HMBOX1: variants seen among roughly 807,000 people sequenced by gnomAD.
HMBOX1 encodes homeobox containing 1, also known as homeobox-containing protein 1.
In HMBOX1, 14 loss-of-function variants were observed where a neutral mutation model predicts 54.5. The ratio of observed to expected loss-of-function variants is 0.26; its 90% CI spans 0.17 to 0.40. The LOEUF (loss-of-function observed/expected upper bound fraction) is 0.40. Ranked by LOEUF, HMBOX1 falls within the 10% of genes least tolerant of loss-of-function variation. HMBOX1 has a pLI of 1.00. For synonymous variants in HMBOX1, 160 were observed against 181.0 expected, an observed-to-expected ratio of 0.88 and a Z score of 0.93; for missense variants, 332 against 514.4, an observed-to-expected ratio of 0.65 and a Z score of 3.43.
At chr8:28,977,487 C>T (rs950740719) in intron 3 of HMBOX1, among the ~76,000 whole-genome samples, 1 of 152,118 alleles carries the variant, frequency 6.6e-6, no homozygotes, top group East Asian at 1.9e-4. Flanking sequence ...GAAGTTATCT[C>T]TTGTACACTG....
chr8:28,892,758 A>G (rs1585585984), intron 1 of HMBOX1, among the ~76,000 whole-genome samples: 1 of 152,298 alleles, frequency 6.6e-6, no homozygotes, highest in East Asian at 1.9e-4. Context: ...TGTGATTTCT[A>G]AATCTCAGAT....
At chr8:29,016,517 A>G (rs949446352) in intron 5 of HMBOX1, among the ~76,000 whole-genome samples, 1 of 152,268 alleles carries the variant, frequency 6.6e-6, no homozygotes, top group African/African-American at 2.4e-5. Context: ...ATTATCCACA[A>G]TTTAGCAGCT....
intron 1 of HMBOX1, among the ~76,000 whole-genome samples, chr8:28,952,805 T>C (rs1322247143): frequency 6.6e-6 from 1 of 152,234 alleles, no homozygotes; most frequent in East Asian, 1.9e-4. Flanking sequence ...ATAATTCTTT[T>C]GGAATAAAAA....
At chr8:28,994,940 T>C (rs951700369) in intron 4 of HMBOX1, among the ~76,000 whole-genome samples, 8 of 152,096 alleles carry the variant, frequency 5.3e-5, no homozygotes, top group African/African-American at 1.9e-4. Flanking sequence ...CAGCAAACTT[T>C]AGAAGATTGA....
chr8:29,034,639 G>A lies in HMBOX1; in HGVS notation c.852-10722G>A, dbSNP rs147939760. Among the ~76,000 whole-genome samples, 1,208 of 152,262 alleles carry A rather than the reference G, an allele frequency of 7.9e-3. 11 individuals carry two copies. The highest frequency in any genetic ancestry group is 0.012 in the Non-Finnish European group (846 of 68,004). On this transcript the variant is annotated intron_variant, in intron 6 of 9. Coordinates refer to ENST00000287701, the MANE Select transcript of HMBOX1 (RefSeq NM_001135726.3). ...GGGAGGCCAAGGCAGGTAGATGACC[G>A]GAGGTCAGGAGTTCAAGACCAGCCT...
At chr8:29,024,751 ATAAG>A (rs1351139412) in intron 6 of HMBOX1, among the ~76,000 whole-genome samples, 4 of 152,182 alleles carry the variant, frequency 2.6e-5, no homozygotes, top group Non-Finnish European at 5.9e-5. Context: ...CAGTTTATAT[ATAAG>A]AGCCTCAGAG....
intron 1 of HMBOX1, among the ~76,000 whole-genome samples, chr8:28,908,899 A>G (rs916979967): frequency 1.3e-5 from 2 of 152,020 alleles, no homozygotes; most frequent in African/African-American, 4.8e-5. Flanking sequence ...TTTGAGACCA[A>G]CCAGCCTGGG....
rs569535533 is a variant in HMBOX1, at chr8:28,978,744, G to A, written c.501-1327G>A. On this transcript the variant is annotated intron_variant, in intron 3 of 9. Coordinates refer to ENST00000287701, the MANE Select transcript of HMBOX1 (RefSeq NM_001135726.3). ...GGAGCTTGCAGTGAGCCGAGATTGC[G>A]CCACTGCACTCCAGCCCGAGCAACA... is the stretch of plus-strand genomic sequence containing the variant. 1.4e-3 allele frequency among the ~76,000 whole-genome samples: 183 copies of A among 126,796 alleles called. 2 individuals are homozygous for A. Among genetic ancestry groups the A allele is most frequent in the African/African-American group, 5.1e-3 (167 of 32,748 alleles). 83.2% of individuals were successfully genotyped at this position (126,796 alleles called of 152,430 possible).
chr8:28,977,072 G>T (rs1211389545), intron 3 of HMBOX1, among the ~76,000 whole-genome samples: 10 of 152,080 alleles, frequency 6.6e-5, no homozygotes, highest in South Asian at 4.1e-4. Flanking sequence ...AATGTGAATT[G>T]CTACTGTTTG....
intron 4 of HMBOX1, among the ~76,000 whole-genome samples, chr8:28,993,325 A>AT (rs1214748699): frequency 3.3e-5 from 5 of 152,264 alleles, no homozygotes; most frequent in South Asian, 2.1e-4. Flanking sequence ...TATGAGTAGG[A>AT]TTTTTTAAAG....
chr8:28,920,190 G>C (rs1022801783), intron 1 of HMBOX1, among the ~76,000 whole-genome samples: 4 of 151,942 alleles, frequency 2.6e-5, no homozygotes, highest in African/African-American at 9.7e-5. Flanking sequence ...TTGTTTCTTA[G>C]CTCCAGATAC....
intron 2 of HMBOX1, among the ~76,000 whole-genome samples, chr8:28,968,595 T>C (rs897408902): frequency 6.6e-6 from 1 of 152,214 alleles, no homozygotes; most frequent in African/African-American, 2.4e-5. Flanking sequence ...GATTATGTTA[T>C]GTGAAATTCG....
intron 6 of HMBOX1, chr8:29,042,844 A>ATTGTTT (rs1437092798): frequency 2.9e-6 from 1 of 349,620 alleles, no homozygotes; most frequent in Non-Finnish European, 5.7e-6. Context: ...ATAAACAGAG[A>ATTGTTT]TTGTTTTTGT....
intron 4 of HMBOX1, among the ~76,000 whole-genome samples, chr8:28,981,750 G>A (rs1351001824): frequency 6.6e-6 from 1 of 151,802 alleles, no homozygotes; most frequent in East Asian, 1.9e-4. Flanking sequence ...AGTAACATAT[G>A]TTTAAAAAGC....
At chr8:29,030,262 G>T (rs1802737321) in intron 6 of HMBOX1, among the ~76,000 whole-genome samples, 1 of 150,322 alleles carries the variant, frequency 6.7e-6, no homozygotes, top group African/African-American at 2.5e-5. Context: ...TTGTTGCCCA[G>T]GCTGGAGTAC....
At chr8:28,892,614 T>TA (rs1365900524) in intron 1 of HMBOX1, among the ~76,000 whole-genome samples, 1 of 152,170 alleles carries the variant, frequency 6.6e-6, no homozygotes, top group Non-Finnish European at 1.5e-5. Flanking sequence ...ACCACATTGA[T>TA]AGAGTGTGTA....
chr8:28,958,524 A>T (rs1018497059), intron 1 of HMBOX1, among the ~76,000 whole-genome samples: 4 of 152,276 alleles, frequency 2.6e-5, no homozygotes, highest in Middle Eastern at 6.8e-3. Flanking sequence ...ATAATTTTTT[A>T]AAAAAGCTTC....
chr8:29,043,899 G>A (rs1805202283), intron 6 of HMBOX1, among the ~76,000 whole-genome samples: 1 of 152,182 alleles, frequency 6.6e-6, no homozygotes, highest in East Asian at 1.9e-4. Context: ...GAAATGATAG[G>A]AGAAAATCAT....
In HMBOX1 at chr8:29,049,042, T is replaced by G. The variant is rs1038694497; in HGVS notation, c.1119T>G (p.Ser373=). The part of the protein sequence containing the change: ...NSDDVDGNDY[S]EQDDSTSHSD... ...ATGATGTCGACGGGAATGACTACTC[T>G]GAGCAGGTGAGCCCCTGCGCAGCTG... Residue 373 remains serine (S), a synonymous_variant, in exon 9 of 10, where the codon TCT becomes TCG. Coordinates refer to ENST00000287701, the MANE Select transcript of HMBOX1 (RefSeq NM_001135726.3). 1 of 1,613,024 alleles carries G rather than the reference T, an allele frequency of 6.2e-7. No individual in the cohort carries two copies. Among genetic ancestry groups the G allele is most frequent in the African/African-American group, 1.3e-5 (1 of 74,624 alleles).
Sources: allele counts gnomAD v4.1 joint callset (sites outside exome capture counted in the v4.1 genomes callset), GRCh38; gene constraint gnomAD v4.1.1; transcripts MANE v1.5; gene names NCBI Gene and HGNC (gene_info 2026-07-23, HGNC 2026-07-21).